Variants in AK5 observed in about 807,000 individuals in gnomAD.
AK5 encodes the protein adenylate kinase isoenzyme 5.
A neutral mutation model predicts 69.5 loss-of-function variants in AK5; 27 were observed. The observed-to-expected ratio is 0.39, with a 90% CI of 0.29 to 0.54. The LOEUF is 0.54. Among genes scored for constraint, AK5 ranks in the 20% least tolerant of loss-of-function variants. AK5 has a pLI of 0.71. For synonymous variants in AK5, 260 were observed against 244.4 expected (o/e 1.06, Z -0.60); for missense variants, 531 against 700.4 (o/e 0.76, Z 2.73).
At chr1:77,286,855 T>A in intron 1 of AK5, 86 bp from the exon 2 acceptor site, 1 of 890,386 alleles carries the variant, frequency 1.1e-6, no homozygotes, top group Non-Finnish European at 1.5e-6. Flanking sequence ...TCAAAAAAAT[T>A]AATTAATTAA....
intron 8 of AK5, among the ~76,000 whole-genome samples, chr1:77,441,242 C>T (rs1652309344): frequency 6.6e-6 from 1 of 152,140 alleles, no homozygotes; most frequent in Non-Finnish European, 1.5e-5. Context: ...TCTAGTACAT[C>T]ATTGAGTTTC....
rs1223515992 is a variant in AK5 at position 77,489,669 on chromosome 1, G to T, written c.1147+3317G>T. On this transcript the variant is annotated intron_variant, in intron 10 of 13. Transcript: ENST00000354567. The stretch of plus-strand genomic sequence containing the variant: ...ATACCCGAAAAACATTGGGGCTGCA[G>T]TATTAGCCAGAGTCTAGGTTGACAT... Among the ~76,000 whole-genome samples the T allele has an allele frequency of 3.3e-5, 5 of 152,318 alleles. No individual in the cohort carries two copies. The South Asian group carries it at 8.3e-4, about 25-fold the overall frequency.
chr1:77,466,568 A>G (rs1654156667), intron 8 of AK5, among the ~76,000 whole-genome samples: 1 of 152,202 alleles, frequency 6.6e-6, no homozygotes, highest in South Asian at 2.1e-4. Context: ...ACCCAAACCT[A>G]GTGACTTAGC....
chr1:77,480,830 G>A (rs116822763), intron 8 of AK5, among the ~76,000 whole-genome samples: 1 of 152,180 alleles, frequency 6.6e-6, no homozygotes, highest in Non-Finnish European at 1.5e-5. Context: ...ACTCCTCAAG[G>A]TCCCTGTCTT....
At chr1:77,322,983 T>C (rs1660611237) in intron 5 of AK5, among the ~76,000 whole-genome samples, 2 of 150,116 alleles carry the variant, frequency 1.3e-5, no homozygotes, top group East Asian at 2.0e-4. Context: ...TCTTTGTTTT[T>C]CTTTTCTTTT....
At chr1:77,374,476 A>G (rs528785032) in intron 6 of AK5, among the ~76,000 whole-genome samples, 16 of 151,070 alleles carry the variant, frequency 1.1e-4, no homozygotes, top group African/African-American at 3.4e-4. Flanking sequence ...AGGTTTAGTA[A>G]TACCCCTTCC....
intron 10 of AK5, among the ~76,000 whole-genome samples, chr1:77,492,718 T>A (rs1319619995): frequency 6.6e-6 from 1 of 152,190 alleles, no homozygotes; most frequent in East Asian, 1.9e-4. Flanking sequence ...TGTTTCTCTG[T>A]GCCCAGTAGT....
chr1:77,414,309 C>A (rs575651298), intron 7 of AK5, among the ~76,000 whole-genome samples: 21 of 152,282 alleles, frequency 1.4e-4, no homozygotes, highest in African/African-American at 5.1e-4. Flanking sequence ...AAACTGCTTT[C>A]CTCAGAGGGT....
intron 7 of AK5, among the ~76,000 whole-genome samples, chr1:77,411,283 A>G (rs568019140): frequency 6.6e-6 from 1 of 152,322 alleles, no homozygotes; most frequent in African/African-American, 2.4e-5. Flanking sequence ...TCTTCCAGTC[A>G]TTGCACATGT....
intron 5 of AK5, among the ~76,000 whole-genome samples, chr1:77,327,010 G>A (rs1557498506): frequency 6.6e-6 from 1 of 152,128 alleles, no homozygotes; most frequent in Non-Finnish European, 1.5e-5. Flanking sequence ...AGAATCTCAT[G>A]GGCAATCATT....
chr1:77,486,264 T>G (rs371123367), intron 9 of AK5, 44 bp from the exon 10 acceptor site: 135 of 1,333,806 alleles, frequency 1.0e-4, no homozygotes, highest in Non-Finnish European at 1.4e-4. Context: ...AGGGCTTCAG[T>G]ACAGTTTTTC....
intron 6 of AK5, among the ~76,000 whole-genome samples, chr1:77,395,106 G>A (rs1648745730): frequency 6.6e-6 from 1 of 152,124 alleles, no homozygotes; most frequent in South Asian, 2.1e-4. Context: ...ACACTGCTGA[G>A]AGACATAATG....
At chr1:77,449,432 GTA>G (rs1652998260) in intron 8 of AK5, among the ~76,000 whole-genome samples, 1 of 152,212 alleles carries the variant, frequency 6.6e-6, no homozygotes, top group Non-Finnish European at 1.5e-5. Context: ...TGGAATGGCT[GTA>G]TTCACCTAGT....
At chr1:77,327,887 C>T (rs1342888397) in intron 5 of AK5, among the ~76,000 whole-genome samples, 1 of 152,142 alleles carries the variant, frequency 6.6e-6, no homozygotes, top group Non-Finnish European at 1.5e-5. Flanking sequence ...TAGTCTCTCC[C>T]CATCCAGTCT....
At chr1:77,454,942 T>C (rs1362520437) in intron 8 of AK5, among the ~76,000 whole-genome samples, 2 of 152,252 alleles carry the variant, frequency 1.3e-5, no homozygotes, top group African/African-American at 4.8e-5. Flanking sequence ...TCATGTTGCC[T>C]TTCCTTTTTT....
At chr1:77,439,975 T>C (rs772751492) in intron 8 of AK5, among the ~76,000 whole-genome samples, 4 of 152,188 alleles carry the variant, frequency 2.6e-5, no homozygotes, top group Non-Finnish European at 5.9e-5. Flanking sequence ...TCCTTTGTTC[T>C]TGCTTTCTTA....
At chr1:77,531,429 A>C (rs1658578378) in intron 12 of AK5, among the ~76,000 whole-genome samples, 1 of 152,110 alleles carries the variant, frequency 6.6e-6, no homozygotes, top group Non-Finnish European at 1.5e-5. Flanking sequence ...GTGCGTTTAC[A>C]ATCCCTGAGC....
intron 10 of AK5, among the ~76,000 whole-genome samples, chr1:77,491,831 G>A (rs1656026507): frequency 6.6e-6 from 1 of 152,142 alleles, no homozygotes; most frequent in African/African-American, 2.4e-5. Context: ...TCTGGAGTAA[G>A]CACTATTACT....
At position 77,483,587 on chromosome 1, in the gene AK5, T is replaced by A. The variant is rs1196596625; in HGVS notation, c.1102+228T>A. Among the ~76,000 whole-genome samples, 3 of 152,120 alleles carry A rather than the reference T, an allele frequency of 2.0e-5. No homozygotes were observed. The East Asian group carries it at 5.8e-4, about 29-fold the overall frequency. Reference sequence around the variant, plus strand: ...GCATTTCTTAACTGCCCAGAGAACATGATTCCCGAGAGGCTCAGCGAAAAG... The same window carrying A: ...GCATTTCTTAACTGCCCAGAGAACAAGATTCCCGAGAGGCTCAGCGAAAAG... On this transcript the variant is annotated intron_variant, in intron 9 of 13. Coordinates refer to ENST00000354567, the MANE Select transcript of AK5 (RefSeq NM_174858.3).
Sources: allele counts gnomAD v4.1 joint callset (sites outside exome capture counted in the v4.1 genomes callset), GRCh38; gene constraint gnomAD v4.1.1; transcripts MANE v1.5; gene names NCBI Gene and HGNC (gene_info 2026-07-23, HGNC 2026-07-21).